The following OR14A2 variants were observed in gnomAD, a reference collection of about 807,000 sequenced individuals.
OR14A2 encodes olfactory receptor family 14 subfamily A member 2.
For synonymous variants in OR14A2, 114 were observed against 58.6 expected (o/e 1.95, Z -4.32); for missense variants, 237 against 152.9 (o/e 1.55, Z -2.90).
chr1:247,729,429 A>G, the OR14A2 span, among the ~76,000 whole-genome samples: 1 of 152,100 alleles, frequency 6.6e-6, no homozygotes, highest in African/African-American at 2.4e-5. Context: ...TATAATAATC[A>G]TCTGAGCACT....
At chr1:247,729,619 G>A in the OR14A2 span, among the ~76,000 whole-genome samples, 1 of 152,104 alleles carries the variant, frequency 6.6e-6, no homozygotes, top group Non-Finnish European at 1.5e-5. Context: ...TCGAAGCATA[G>A]TTATTTCATT....
the OR14A2 span, chr1:247,746,478 A>T: frequency 6.6e-6 from 1 of 152,202 alleles, no homozygotes; most frequent in Non-Finnish European, 1.5e-5. Context: ...GCCTCTTCAG[A>T]AGCCTTGTAT....
At chr1:247,726,393 T>C (rs1660358617), upstream of OR14A2, among the ~76,000 whole-genome samples, 1 of 142,062 alleles carries the variant, frequency 7.0e-6, no homozygotes, top group African/African-American at 2.8e-5. Flanking sequence ...GTTTTTTTCT[T>C]ATAAATTTGT....
chr1:247,737,992 C>T, the OR14A2 span, among the ~76,000 whole-genome samples: 1 of 152,028 alleles, frequency 6.6e-6, no homozygotes, highest in Admixed American at 6.6e-5. Context: ...GTGAAAATAA[C>T]GAGTACTTTT....
the OR14A2 span, among the ~76,000 whole-genome samples, chr1:247,735,360 A>C: frequency 1.3e-5 from 2 of 152,230 alleles, no homozygotes; most frequent in Non-Finnish European, 2.9e-5. Flanking sequence ...GTCTGTGTAC[A>C]CACACCAAAA....
chr1:247,723,147 C>G (rs1183037292), exon 1 of OR14A2: 1 of 717,502 alleles, frequency 1.4e-6, no homozygotes, highest in East Asian at 2.7e-5. Context: ...GCAACCTTAT[C>G]AGAGCACATT....
At chr1:247,734,402 T>A in the OR14A2 span, among the ~76,000 whole-genome samples, 3 of 152,166 alleles carry the variant, frequency 2.0e-5, no homozygotes, top group African/African-American at 7.2e-5. Context: ...AGCTACCCCA[T>A]CTGTAGTATT....
the OR14A2 span, among the ~76,000 whole-genome samples, chr1:247,734,958 C>G: frequency 6.6e-6 from 1 of 152,150 alleles, no homozygotes; most frequent in African/African-American, 2.4e-5. Context: ...ATTACAAGAT[C>G]AAAATCTGAA....
chr1:247,744,330 C>CTCTAAT, the OR14A2 span, among the ~76,000 whole-genome samples: 1 of 152,058 alleles, frequency 6.6e-6, no homozygotes, highest in East Asian at 1.9e-4. The surrounding 1 kb of genome is among the most constrained non-coding windows in gnomAD (Gnocchi z 4.3). Context: ...AATGTAATCA[C>CTCTAAT]GTTAAATCTG....
At chr1:247,747,751 A>G in the OR14A2 span, among the ~76,000 whole-genome samples, 3 of 152,178 alleles carry the variant, frequency 2.0e-5, no homozygotes, top group Non-Finnish European at 2.9e-5. Context: ...TTCACCATGT[A>G]GGACTTTTTG....
At chr1:247,735,278 G>A in the OR14A2 span, among the ~76,000 whole-genome samples, 2 of 152,316 alleles carry the variant, frequency 1.3e-5, no homozygotes, top group South Asian at 4.1e-4. Flanking sequence ...AGACCCCAAA[G>A]TCAGAGCACT....
chr1:247,742,469 C>T, the OR14A2 span, among the ~76,000 whole-genome samples: 18 of 152,072 alleles, frequency 1.2e-4, no homozygotes, highest in Admixed American at 7.2e-4. Flanking sequence ...CACACACACA[C>T]GCACACACAC....
At chr1:247,729,443 C>T in the OR14A2 span, among the ~76,000 whole-genome samples, 2 of 152,028 alleles carry the variant, frequency 1.3e-5, no homozygotes, top group African/African-American at 2.4e-5. Context: ...GAGCACTTTG[C>T]TAAAAATGAA....
the OR14A2 span, chr1:247,739,210 C>T: frequency 3.8e-6 from 3 of 780,824 alleles, no homozygotes; most frequent in Non-Finnish European, 2.4e-6. Context: ...GTCAGTGTGG[C>T]CATTGGGGTC....
At chr1:247,725,106 C>T (rs1033253783), upstream of OR14A2, among the ~76,000 whole-genome samples, 3 of 151,758 alleles carry the variant, frequency 2.0e-5, no homozygotes, top group African/African-American at 7.3e-5. Flanking sequence ...ACAAGATAAA[C>T]TCAGATTGGG....
At chr1:247,746,667 C>A in the OR14A2 span, 3 of 152,176 alleles carry the variant, frequency 2.0e-5, no homozygotes, top group South Asian at 4.1e-4. Flanking sequence ...AGTTGGCATA[C>A]AAGGGTTTGT....
At chr1:247,735,290 C>A in the OR14A2 span, among the ~76,000 whole-genome samples, 4 of 152,212 alleles carry the variant, frequency 2.6e-5, no homozygotes, top group African/African-American at 9.6e-5. Context: ...CAGAGCACTG[C>A]ATCTCCCAGT....
chr1:247,741,542 C>CACTG, the OR14A2 span, among the ~76,000 whole-genome samples: 1 of 152,232 alleles, frequency 6.6e-6, no homozygotes, highest in Middle Eastern at 3.4e-3. Context: ...GAACTGAAGG[C>CACTG]ACTGGATAAT....
At chr1:247,725,354 A>G (rs1319273904), upstream of OR14A2, among the ~76,000 whole-genome samples, 1 of 152,118 alleles carries the variant, frequency 6.6e-6, no homozygotes, top group Non-Finnish European at 1.5e-5. Context: ...GAGTGATTAA[A>G]TAATTCTGAA....
Sources: allele counts gnomAD v4.1 joint callset (sites outside exome capture counted in the v4.1 genomes callset), GRCh38; gene constraint gnomAD v4.1.1; non-coding constraint Gnocchi (gnomAD v3.1); transcripts MANE v1.5; gene names NCBI Gene and HGNC (gene_info 2026-07-23, HGNC 2026-07-21).